Variants in RHBDD1 observed in about 807,000 individuals in gnomAD.
The protein encoded by RHBDD1 is rhomboid domain containing 1, also known as rhomboid-related protein 4.
In RHBDD1, 38 loss-of-function variants were observed where a neutral mutation model predicts 36.3. The ratio of observed to expected loss-of-function variants is 1.05; its 90% CI spans 0.81 to 1.37. The LOEUF is 1.37. Ranked by LOEUF, RHBDD1 falls within the 40% of genes most tolerant of loss-of-function variation. The pLI is 0.00. For synonymous variants in RHBDD1, 151 were observed against 136.5 expected (o/e 1.11, Z -0.74); for missense variants, 393 against 377.6 (o/e 1.04, Z -0.34).
intron 7 of RHBDD1, among the ~76,000 whole-genome samples, chr2:226,910,572 C>T (rs941750835): frequency 6.6e-6 from 1 of 151,546 alleles, no homozygotes; most frequent in Non-Finnish European, 1.5e-5. Context: ...ATCTCCTTTG[C>T]CATGAAATCC....
chr2:226,968,320 G>T (rs1253615966), intron 8 of RHBDD1, among the ~76,000 whole-genome samples: 1 of 152,186 alleles, frequency 6.6e-6, no homozygotes, highest in African/African-American at 2.4e-5. Flanking sequence ...GGCTGACCAG[G>T]CAAGTCCAAA....
chr2:226,907,662 ATATAATATTCAT>A (rs1948164372), intron 6 of RHBDD1, among the ~76,000 whole-genome samples: 1 of 152,134 alleles, frequency 6.6e-6, no homozygotes, highest in Non-Finnish European at 1.5e-5. Flanking sequence ...CTTGAGAACC[ATATAATATTCAT>A]GATAGTAGAA....
chr2:226,904,431 C>G (rs1338763282), intron 5 of RHBDD1, among the ~76,000 whole-genome samples: 4 of 134,278 alleles, frequency 3.0e-5, no homozygotes, highest in Non-Finnish European at 4.7e-5. Context: ...GGAGGGGGGT[C>G]AGGGAACTCC....
intron 8 of RHBDD1, among the ~76,000 whole-genome samples, chr2:226,920,171 G>C (rs1377125941): frequency 1.3e-5 from 2 of 151,732 alleles, no homozygotes; most frequent in Non-Finnish European, 2.9e-5. Flanking sequence ...TTTTAAATGG[G>C]ATTACTTTCT....
intron 8 of RHBDD1, chr2:226,914,784 A>G (rs557196259): frequency 2.6e-5 from 4 of 153,612 alleles, no homozygotes; most frequent in Admixed American, 2.6e-4. Context: ...CTCAGATTTG[A>G]CTTCTGCTGA....
At chr2:226,820,150 G>A in the RHBDD1 span, among the ~76,000 whole-genome samples, 18 of 151,910 alleles carry the variant, frequency 1.2e-4, no homozygotes, top group Non-Finnish European at 1.9e-4. Context: ...ATAATAATCC[G>A]ACCTCATAGA....
intron 5 of RHBDD1, among the ~76,000 whole-genome samples, chr2:226,885,186 T>G (rs1011276348): frequency 9.9e-5 from 15 of 152,150 alleles, no homozygotes; most frequent in African/African-American, 3.4e-4. Flanking sequence ...ATTGTTACTC[T>G]TGAGGTTTTG....
At chr2:226,894,911 C>G (rs1946973679) in intron 5 of RHBDD1, among the ~76,000 whole-genome samples, 1 of 152,010 alleles carries the variant, frequency 6.6e-6, no homozygotes, top group Non-Finnish European at 1.5e-5. Context: ...TCACACTGGC[C>G]CGGGATGATC....
At chr2:226,850,610 A>G (rs1317653294) in intron 3 of RHBDD1, among the ~76,000 whole-genome samples, 1 of 152,066 alleles carries the variant, frequency 6.6e-6, no homozygotes, top group Non-Finnish European at 1.5e-5. Flanking sequence ...GACATGCAGG[A>G]TTCTAGGTGG....
At chr2:226,811,542 A>G in the RHBDD1 span, among the ~76,000 whole-genome samples, 1 of 152,148 alleles carries the variant, frequency 6.6e-6, no homozygotes, top group Non-Finnish European at 1.5e-5. Flanking sequence ...ACCTCCAGTG[A>G]TCCACCCCCC....
chr2:226,876,643 G>A (rs1053793872), intron 5 of RHBDD1, among the ~76,000 whole-genome samples: 2 of 152,112 alleles, frequency 1.3e-5, no homozygotes, highest in African/African-American at 4.8e-5. Flanking sequence ...TTCATACTCT[G>A]AACTAGTGGT....
chr2:226,940,919 A>G (rs1318625487), intron 8 of RHBDD1, among the ~76,000 whole-genome samples: 3 of 151,386 alleles, frequency 2.0e-5, no homozygotes, highest in Non-Finnish European at 4.4e-5. Flanking sequence ...CTCTCTGGAA[A>G]GTGCTAGATT....
chr2:226,812,472 A>AT, the RHBDD1 span, among the ~76,000 whole-genome samples: 1 of 152,258 alleles, frequency 6.6e-6, no homozygotes, highest in South Asian at 2.1e-4. Context: ...TCGAAACAAC[A>AT]TATGTGTCCA....
intron 8 of RHBDD1, among the ~76,000 whole-genome samples, chr2:226,970,573 T>C (rs1456933620): frequency 6.6e-6 from 1 of 152,182 alleles, no homozygotes; most frequent in Non-Finnish European, 1.5e-5. Context: ...ATTTCTCTTC[T>C]CAGGGGCTGC....
At chr2:226,899,555 G>T (rs1370904309) in intron 5 of RHBDD1, among the ~76,000 whole-genome samples, 1 of 152,064 alleles carries the variant, frequency 6.6e-6, no homozygotes, top group Non-Finnish European at 1.5e-5. Context: ...ATCTTAGCAG[G>T]TTAAATAAAT....
chr2:226,857,984 A>G (rs997507635), intron 3 of RHBDD1, among the ~76,000 whole-genome samples: 3 of 152,178 alleles, frequency 2.0e-5, no homozygotes, highest in African/African-American at 7.2e-5. Flanking sequence ...GTGTTCCATT[A>G]TTGGAATGCT....
Position 226,898,129 on chromosome 2 carries a change from C to G in RHBDD1, c.567-8664C>G, listed in dbSNP as rs933704197. Among the ~76,000 whole-genome samples the G allele has an allele frequency of 5.3e-5, 8 of 152,306 alleles. No homozygotes were observed. In the East Asian group the frequency reaches 1.4e-3, roughly 26 times the overall value. Reference sequence around the variant, plus strand: ...CATGACCCAGTCACCTCCCATTAGGCCCTACCTCCCTATACTCCTACAAGG... The same window carrying G: ...CATGACCCAGTCACCTCCCATTAGGGCCTACCTCCCTATACTCCTACAAGG... On this transcript the variant is annotated intron_variant, in intron 5 of 8. Transcript: ENST00000392062.
chr2:226,816,049 G>T, the RHBDD1 span, among the ~76,000 whole-genome samples: 66 of 152,258 alleles, frequency 4.3e-4, no homozygotes, highest in South Asian at 0.013. Context: ...GCTGCCTTCA[G>T]CTAGAAGCTG....
intron 8 of RHBDD1, among the ~76,000 whole-genome samples, chr2:226,930,895 A>G (rs1189349751): frequency 6.6e-6 from 1 of 152,118 alleles, no homozygotes; most frequent in Non-Finnish European, 1.5e-5. Flanking sequence ...AATGCTTAAC[A>G]TCACTAATCA....
Sources: allele counts gnomAD v4.1 joint callset (sites outside exome capture counted in the v4.1 genomes callset), GRCh38; gene constraint gnomAD v4.1.1; transcripts MANE v1.5; gene names NCBI Gene and HGNC (gene_info 2026-07-23, HGNC 2026-07-21).